The following AKAP7 variants were observed in gnomAD, a reference collection of about 807,000 sequenced individuals.
The protein encoded by AKAP7 is A-kinase anchoring protein 7.
AKAP7 carries 39 observed loss-of-function variants against 39.5 expected under a neutral mutation model. That is an observed-to-expected ratio of 0.99 (90% CI 0.76 to 1.29). The LOEUF (loss-of-function observed/expected upper bound fraction) is 1.29, where lower values mean the gene tolerates loss of function less well. Ranked by LOEUF, AKAP7 falls within the 50% of genes most tolerant of loss-of-function variation. The pLI is 0.00. For synonymous variants in AKAP7, 140 were observed against 139.1 expected (o/e 1.01, Z -0.05); for missense variants, 414 against 407.7 (o/e 1.02, Z -0.13).
intron 5 of AKAP7, among the ~76,000 whole-genome samples, chr6:131,194,579 G>A (rs757791861): frequency 2.0e-5 from 3 of 152,014 alleles, no homozygotes; most frequent in Non-Finnish European, 4.4e-5. Context: ...CTGAGGTTTC[G>A]TTTTTGAATT....
At position 131,225,402 on chromosome 6, in the gene AKAP7, T is replaced by C. The variant is rs1318054118; in HGVS notation, c.850+5594T>C. On this transcript the variant is annotated intron_variant, in intron 7 of 7. Coordinates refer to ENST00000431975, the MANE Select transcript of AKAP7 (RefSeq NM_016377.4). ...ACAAATCATCCTCATCCGTAAGGAG[T>C]TGGGATTTCTTCTTCTGGATTCTGT... 3.9e-5 allele frequency among the ~76,000 whole-genome samples: 6 copies of C among 152,058 alleles called. No individual in the cohort carries two copies. In the South Asian group the frequency reaches 1.0e-3, roughly 26 times the overall value.
At chr6:131,207,351 A>C (rs1277860743) in intron 6 of AKAP7, among the ~76,000 whole-genome samples, 1 of 150,164 alleles carries the variant, frequency 6.7e-6, no homozygotes, top group African/African-American at 2.5e-5. Context: ...CTAGGATCTC[A>C]CTTGGTTGCC....
chr6:131,153,519 C>T (rs1178499462), intron 2 of AKAP7, among the ~76,000 whole-genome samples: 2 of 151,900 alleles, frequency 1.3e-5, no homozygotes, highest in African/African-American at 4.8e-5. Context: ...TAACCATTAC[C>T]TTGAGAGATT....
chr6:131,130,846 G>A (rs12200100), upstream of AKAP7, among the ~76,000 whole-genome samples: 5,448 of 152,194 alleles, frequency 0.036, 122 homozygotes, highest in South Asian at 0.079. Context: ...AAGGACTGGC[G>A]TCTTGGCATG....
intron 5 of AKAP7, among the ~76,000 whole-genome samples, chr6:131,193,203 C>G (rs773251622): frequency 6.6e-6 from 1 of 151,918 alleles, no homozygotes; most frequent in Non-Finnish European, 1.5e-5. Flanking sequence ...CAGTATGATA[C>G]GAGATGTGGA....
intron 6 of AKAP7, among the ~76,000 whole-genome samples, chr6:131,209,716 G>GT (rs1808473331): frequency 6.6e-6 from 1 of 151,896 alleles, no homozygotes; most frequent in Admixed American, 6.5e-5. Flanking sequence ...TGGGAAAAAT[G>GT]TTTTTCTCAG....
At chr6:131,171,436 T>C (rs1295561104) in intron 5 of AKAP7, among the ~76,000 whole-genome samples, 3 of 152,174 alleles carry the variant, frequency 2.0e-5, no homozygotes, top group African/African-American at 7.2e-5. Context: ...GAACAGCATA[T>C]GCAAATAAAT....
At chr6:131,127,045 G>T in the AKAP7 span, among the ~76,000 whole-genome samples, 1 of 149,178 alleles carries the variant, frequency 6.7e-6, no homozygotes, top group East Asian at 2.0e-4. Context: ...ATTTTGCTTT[G>T]TTTTTTTTTT....
intron 6 of AKAP7, among the ~76,000 whole-genome samples, chr6:131,203,434 G>A (rs1018857205): frequency 6.6e-6 from 1 of 152,144 alleles, no homozygotes; most frequent in Non-Finnish European, 1.5e-5. Flanking sequence ...AAAGAAGGGA[G>A]TGGCGAAATA....
upstream of AKAP7, among the ~76,000 whole-genome samples, chr6:131,134,712 C>G (rs2089150844): frequency 6.6e-6 from 1 of 152,148 alleles, no homozygotes; most frequent in Admixed American, 6.5e-5. Context: ...TAGTGTGCAG[C>G]CTTTACGCCA....
At chr6:131,267,602 C>T (rs1270303958) in intron 7 of AKAP7, among the ~76,000 whole-genome samples, 2 of 152,118 alleles carry the variant, frequency 1.3e-5, no homozygotes, top group Non-Finnish European at 2.9e-5. Context: ...CTCCTCCCGC[C>T]CACCTCATCA....
intron 7 of AKAP7, among the ~76,000 whole-genome samples, chr6:131,268,975 C>A (rs934147856): frequency 1.6e-4 from 25 of 152,112 alleles, no homozygotes; most frequent in African/African-American, 5.6e-4. Flanking sequence ...ATATTTATTT[C>A]TTCTTTGTCA....
In AKAP7 at chr6:131,135,751, A is replaced by C; in HGVS notation, c.-13A>C. 5 of 1,227,234 alleles carry C rather than the reference A, an allele frequency of 4.1e-6. No homozygotes were observed. Among genetic ancestry groups the C allele is most frequent in the South Asian group, 4.1e-5 (1 of 24,546 alleles). 76.0% of individuals were successfully genotyped at this position (1,227,234 alleles called of 1,614,324 possible). A position where few individuals can be genotyped will look rare whatever the true frequency, so the allele number is the denominator to read the frequency against. On this transcript the variant is annotated 5_prime_UTR_variant, in exon 1 of 8. It removes an upstream start codon present in the reference 5' UTR. Transcript: ENST00000431975. ...CCGCCAGCCCAGACGCGCCGCCCGC[A>C]TGCGCCGCGACCATGGAGCGCCCCG...
chr6:131,262,804 T>C lies in AKAP7; in HGVS notation c.851-18726T>C, dbSNP rs180931014. On this transcript the variant is annotated intron_variant, in intron 7 of 7. Coordinates refer to ENST00000431975, the MANE Select transcript of AKAP7 (RefSeq NM_016377.4). ...GTTAACCACGTGTTCTGCAATGTTA[T>C]AGTATTTTTATATTTTGCTAAGCCA... 1.4e-3 allele frequency among the ~76,000 whole-genome samples: 215 copies of C among 152,334 alleles called. 1 individual carries two copies. The highest frequency in any genetic ancestry group is 3.4e-3 in the Admixed American group (52 of 15,302).
rs779047229 is a variant in AKAP7 at position 131,224,730 on chromosome 6, C to CTT, written c.850+4950_850+4951dup. Among the ~76,000 whole-genome samples, 361 of 55,110 alleles carry CTT rather than the reference C, an allele frequency of 6.6e-3. 82 individuals carry two copies. The highest frequency in any genetic ancestry group is 0.029 in the Middle Eastern group (2 of 68). The allele number at this position is 55,110 out of a possible 152,430, so 36.2% of individuals were successfully genotyped here. On this transcript the variant is annotated intron_variant, in intron 7 of 7. Coordinates refer to ENST00000431975, the MANE Select transcript of AKAP7 (RefSeq NM_016377.4). ...GTTTGTAAAGTTTCCAGTTGATTCA[C>CTT]TTTTTTTTTTTTTTTTTTTTTTTTT... is the stretch of plus-strand genomic sequence containing the variant.
chr6:131,186,461 G>A lies in AKAP7; in HGVS notation c.590-13000G>A, dbSNP rs371846561. 3.3e-4 allele frequency among the ~76,000 whole-genome samples: 50 copies of A among 152,190 alleles called. No homozygotes were observed. In the South Asian group the frequency reaches 6.4e-3, roughly 20 times the overall value. ...TTTTAAATAGCAATGCAGAAATGGCGTAATACAACTGTCTTTTCTCATTGA... is the reference window on the plus strand; with the variant it reads ...TTTTAAATAGCAATGCAGAAATGGCATAATACAACTGTCTTTTCTCATTGA... On this transcript the variant is annotated intron_variant, in intron 5 of 7. Transcript: ENST00000431975.
intron 6 of AKAP7, among the ~76,000 whole-genome samples, chr6:131,205,218 T>C (rs537774660): frequency 1.3e-5 from 2 of 152,330 alleles, no homozygotes; most frequent in South Asian, 4.1e-4. Flanking sequence ...CTAGTCATTG[T>C]CATTTAAAAA....
rs201487744 is a variant in AKAP7 at position 131,238,431 on chromosome 6, G to A, written c.850+18623G>A. Among the ~76,000 whole-genome samples the A allele has an allele frequency of 3.2e-4, 49 of 152,258 alleles. No homozygotes were observed. The East Asian group carries it at 3.7e-3, about 11-fold the overall frequency. On this transcript the variant is annotated intron_variant, in intron 7 of 7. Coordinates refer to ENST00000431975, the MANE Select transcript of AKAP7 (RefSeq NM_016377.4). Reference sequence around the variant, plus strand: ...TAGATGTCTATTAGGTCTGCTTGGTGCAGAGCTGAGTTCAGTTCCTGGATA... The same window carrying A: ...TAGATGTCTATTAGGTCTGCTTGGTACAGAGCTGAGTTCAGTTCCTGGATA...
intron 7 of AKAP7, chr6:131,250,257 C>T: frequency 2.6e-6 from 3 of 1,146,970 alleles, no homozygotes; most frequent in Non-Finnish European, 3.2e-6. Flanking sequence ...ACACATGGCA[C>T]TGACCTATGG....
Sources: gnomAD v4.1 joint callset for allele counts (sites outside exome capture counted in the v4.1 genomes callset) on GRCh38, gnomAD v4.1.1 for gene constraint, MANE v1.5 for transcripts, NCBI Gene and HGNC (gene_info 2026-07-23, HGNC 2026-07-21) for gene names.